TOX2: variants seen among roughly 807,000 people sequenced by gnomAD.
TOX2 encodes granulosa cell HMG box 1.
In TOX2, 15 loss-of-function variants were observed where a neutral mutation model predicts 47.4. That is an observed-to-expected ratio of 0.32 (90% CI 0.21 to 0.49). The LOEUF is 0.49. Ranked by LOEUF, TOX2 falls within the 20% of genes least tolerant of loss-of-function variation. The pLI, the probability that TOX2 is intolerant of heterozygous loss-of-function variation, is 0.99. For synonymous variants in TOX2, 290 were observed against 296.6 expected (o/e 0.98, Z 0.23); for missense variants, 622 against 673.1 (o/e 0.92, Z 0.84).
chr20:43,963,914 G>A (rs982857545), intron 1 of TOX2, among the ~76,000 whole-genome samples: 1 of 152,106 alleles, frequency 6.6e-6, no homozygotes, highest in African/African-American at 2.4e-5. Context: ...CAGAAGAGAG[G>A]TAGTTATAGC....
intron 3 of TOX2, among the ~76,000 whole-genome samples, chr20:44,013,377 T>C (rs1317793478): frequency 6.6e-6 from 1 of 152,200 alleles, no homozygotes; most frequent in Non-Finnish European, 1.5e-5. Flanking sequence ...GAAGGCATGG[T>C]CTATCCCTGT....
At chr20:43,940,963 T>C (rs1403524696) in intron 1 of TOX2, among the ~76,000 whole-genome samples, 1 of 152,254 alleles carries the variant, frequency 6.6e-6, no homozygotes, top group African/African-American at 2.4e-5. Flanking sequence ...TACCTGGCGA[T>C]GAAGCAGCTG....
At chr20:43,950,078 ACAT>A (rs2069535217) in intron 1 of TOX2, among the ~76,000 whole-genome samples, 1 of 152,044 alleles carries the variant, frequency 6.6e-6, no homozygotes, top group Non-Finnish European at 1.5e-5. Flanking sequence ...TGTATAACAA[ACAT>A]CCTCCTCTTT....
intron 3 of TOX2, among the ~76,000 whole-genome samples, chr20:44,047,884 AT>A (rs2071436098): frequency 0.045 from 2 of 44 alleles, no homozygotes; most frequent in Non-Finnish European, 0.067. Flanking sequence ...AAAAAAAAAA[AT>A]AAAATATAAG....
Position 44,051,384 on chromosome 20 carries a change from C to T in TOX2, c.490C>T (p.Leu164=). The change falls in exon 4 of 9, where the codon CTG becomes TTG. Residue 164 remains leucine (L), a synonymous_variant. Transcript: ENST00000341197. ...PGPLLGRPAM[L]ASHMSALSQS... ...GCCCCTGCTGGGTCGCCCGGCAATG[C>T]TGGCCAGCCACATGAGTGCCCTCAG... The T allele has an allele frequency of 6.2e-7, 1 of 1,614,016 alleles. No individual in the cohort carries two copies. Among genetic ancestry groups the T allele is most frequent in the Non-Finnish European group, 8.5e-7 (1 of 1,179,962 alleles).
chr20:43,958,768 G>C (rs1389489487), intron 1 of TOX2, among the ~76,000 whole-genome samples: 1 of 152,214 alleles, frequency 6.6e-6, no homozygotes, highest in East Asian at 1.9e-4. Context: ...TCAACAATTT[G>C]GTGGTTGTAA....
In TOX2 at chr20:44,068,917, AC is replaced by A. The variant is rs1384707353; in HGVS notation, c.*233del. 3 of 687,814 alleles carry A rather than the reference AC, an allele frequency of 4.4e-6. No individual in the cohort carries two copies. Among genetic ancestry groups the A allele is most frequent in the Admixed American group, 4.1e-5 (2 of 48,680 alleles). 42.6% of individuals were successfully genotyped at this position (687,814 alleles called of 1,614,324 possible). A position where few individuals can be genotyped will look rare whatever the true frequency, so the allele number is the denominator to read the frequency against. ...ACCTGCAGGAACCTTCCGCCCGCTGACCTGCTTGCTCCAGGGTAACTGTGGA... is the reference window on the plus strand; with the variant it reads ...ACCTGCAGGAACCTTCCGCCCGCTGACTGCTTGCTCCAGGGTAACTGTGGA... On this transcript the variant is annotated 3_prime_UTR_variant, in exon 9 of 9. Coordinates refer to ENST00000341197, the MANE Select transcript of TOX2 (RefSeq NM_001098797.2).
chr20:43,975,698 C>A, intron 2 of TOX2, among the ~76,000 whole-genome samples: 1 of 152,078 alleles, frequency 6.6e-6, no homozygotes, highest in East Asian at 1.9e-4. Flanking sequence ...CTTTTTAATT[C>A]ATAGTGACAA....
rs8121450 is a variant in TOX2 at position 44,033,539 on chromosome 20, T to C, written c.412-17767T>C. ...CTCTGGTTTATTTGTGTGAGCTCAATGATGTAATTTCAGAAGTACTTACAA... is the reference window on the plus strand; with the variant it reads ...CTCTGGTTTATTTGTGTGAGCTCAACGATGTAATTTCAGAAGTACTTACAA... On this transcript the variant is annotated intron_variant, in intron 3 of 8. Transcript: ENST00000341197. Among the ~76,000 whole-genome samples, 675 of 152,270 alleles carry C rather than the reference T, an allele frequency of 4.4e-3. 5 individuals are homozygous for C. Among genetic ancestry groups the C allele is most frequent in the Admixed American group, 7.4e-3 (114 of 15,304 alleles).
chr20:43,958,656 A>C (rs987333837), intron 1 of TOX2, among the ~76,000 whole-genome samples: 1 of 152,214 alleles, frequency 6.6e-6, no homozygotes, highest in Admixed American at 6.5e-5. Flanking sequence ...GTAGGTGCTG[A>C]GGTCAGGGCT....
intron 2 of TOX2, among the ~76,000 whole-genome samples, chr20:44,005,496 C>T (rs773031485): frequency 5.9e-5 from 9 of 152,144 alleles, no homozygotes; most frequent in Non-Finnish European, 1.2e-4. Context: ...AATTATAGGC[C>T]AGTCACACTT....
At chr20:44,059,941 G>A (rs1436148909) in intron 5 of TOX2, among the ~76,000 whole-genome samples, 2 of 152,118 alleles carry the variant, frequency 1.3e-5, no homozygotes, top group African/African-American at 4.8e-5. Flanking sequence ...TGGCCTAAAT[G>A]CTCCACTTAA....
chr20:44,042,782 G>A (rs2071353377), intron 3 of TOX2, among the ~76,000 whole-genome samples: 1 of 152,180 alleles, frequency 6.6e-6, no homozygotes, highest in Admixed American at 6.5e-5. Flanking sequence ...ACAAGCCAAT[G>A]AAGAATTTTA....
chr20:44,037,903 C>T (rs1373703401), intron 3 of TOX2, among the ~76,000 whole-genome samples: 2 of 151,924 alleles, frequency 1.3e-5, no homozygotes, highest in South Asian at 2.1e-4. Flanking sequence ...AGGTTGGAAC[C>T]GTTTGGAGGG....
intron 5 of TOX2, among the ~76,000 whole-genome samples, chr20:44,062,580 C>A (rs1293402287): frequency 6.6e-6 from 1 of 152,000 alleles, no homozygotes; most frequent in Non-Finnish European, 1.5e-5. Flanking sequence ...CAAAAGCAAT[C>A]TATAAATTAA....
intron 5 of TOX2, among the ~76,000 whole-genome samples, chr20:44,055,052 C>G (rs2071594065): frequency 6.6e-6 from 1 of 152,216 alleles, no homozygotes; most frequent in Admixed American, 6.5e-5. Context: ...GAGCTCACAT[C>G]TGGGCTGGGC....
At chr20:43,964,678 G>T (rs1340901403) in intron 1 of TOX2, among the ~76,000 whole-genome samples, 1 of 152,162 alleles carries the variant, frequency 6.6e-6, no homozygotes, top group Admixed American at 6.5e-5. Context: ...CAGACTTCCT[G>T]GGTGGCTTTG....
At chr20:44,062,178 C>G (rs1328862236) in intron 5 of TOX2, among the ~76,000 whole-genome samples, 1 of 152,026 alleles carries the variant, frequency 6.6e-6, no homozygotes, top group Non-Finnish European at 1.5e-5. Context: ...CAAACTGTCA[C>G]TGTTTGCTGA....
At chr20:44,065,250 A>G (rs974811807) in intron 6 of TOX2, among the ~76,000 whole-genome samples, 1 of 152,166 alleles carries the variant, frequency 6.6e-6, no homozygotes, top group African/African-American at 2.4e-5. Flanking sequence ...CTCCTCTGTC[A>G]ACACCAGCAA....
Sources: allele counts gnomAD v4.1 joint callset (sites outside exome capture counted in the v4.1 genomes callset), GRCh38; gene constraint gnomAD v4.1.1; transcripts MANE v1.5; gene names NCBI Gene and HGNC (gene_info 2026-07-23, HGNC 2026-07-21).